ASNS: variants seen among roughly 807,000 people sequenced by gnomAD.
ASNS encodes asparagine synthetase [glutamine-hydrolyzing].
Under a neutral mutation model 62.6 loss-of-function variants are expected in ASNS, and 37 were observed. The ratio of observed to expected loss-of-function variants is 0.59; its 90% CI spans 0.45 to 0.78. ASNS has a LOEUF of 0.78. Among genes scored for constraint, ASNS ranks in the 30% least tolerant of loss-of-function variants. ASNS has a pLI of 0.00. For synonymous variants in ASNS, 207 were observed against 237.9 expected (o/e 0.87, Z 1.19); for missense variants, 520 against 682.4 (o/e 0.76, Z 2.65).
the ASNS span, among the ~76,000 whole-genome samples, chr7:97,907,526 T>C: frequency 6.6e-6 from 1 of 152,142 alleles, no homozygotes; most frequent in Non-Finnish European, 1.5e-5. Flanking sequence ...CCCAGCACTT[T>C]GGGAGCCCAA....
At chr7:97,878,349 A>G in the ASNS span, among the ~76,000 whole-genome samples, 2 of 152,218 alleles carry the variant, frequency 1.3e-5, no homozygotes, top group South Asian at 4.1e-4. Context: ...GAGGGTCGTG[A>G]TCATGAGAGA....
At chr7:97,920,495 G>T in the ASNS span, among the ~76,000 whole-genome samples, 1 of 152,196 alleles carries the variant, frequency 6.6e-6, no homozygotes, top group East Asian at 1.9e-4. Flanking sequence ...CCTAGAGAAG[G>T]CAGGAGCCCT....
the ASNS span, among the ~76,000 whole-genome samples, chr7:97,896,739 CACATATATATATATAT>C: frequency 1.3e-4 from 4 of 31,984 alleles, 1 homozygote; most frequent in Middle Eastern, 0.026. Flanking sequence ...CACACACACA[CACATATATATATATAT>C]ATATATATAT....
chr7:97,881,190 C>T, the ASNS span, among the ~76,000 whole-genome samples: 1 of 152,214 alleles, frequency 6.6e-6, no homozygotes, highest in East Asian at 1.9e-4. Context: ...GATCTGCCCA[C>T]CTTGGCCTCA....
chr7:97,882,225 C>T, the ASNS span, among the ~76,000 whole-genome samples: 41 of 152,216 alleles, frequency 2.7e-4, no homozygotes, highest in African/African-American at 9.9e-4. Context: ...TGGGACACCC[C>T]GGAGTTAATT....
At chr7:97,914,650 C>G in the ASNS span, among the ~76,000 whole-genome samples, 1 of 152,188 alleles carries the variant, frequency 6.6e-6, no homozygotes. Context: ...GGCTCACCCT[C>G]TTCGTTCCAC....
chr7:97,864,367 C>A lies in ASNS; in HGVS notation c.379G>T (p.Asp127Tyr). The change falls in exon 4 of 13, where the codon GAT (aspartate) becomes TAT (tyrosine). Residue 127 changes from aspartate to tyrosine, a missense_variant. Coordinates refer to ENST00000394308, the MANE Select transcript of ASNS (RefSeq NM_001673.5). Reference protein sequence around the residue: ...LDGVFAFVLLDTANKKVFLGR... With the variant: ...LDGVFAFVLLYTANKKVFLGR... ...AGGAACACTTTCTTATTGGCAGTAT[C>A]CAGTAAAACAAATGCAAACACACCA... The A allele has an allele frequency of 6.2e-7, 1 of 1,613,888 alleles. No homozygotes were observed. Among genetic ancestry groups the A allele is most frequent in the Non-Finnish European group, 8.5e-7 (1 of 1,179,892 alleles).
the ASNS span, among the ~76,000 whole-genome samples, chr7:97,896,737 C>CATATATATATATATATAT: frequency 5.0e-3 from 153 of 30,368 alleles, 2 homozygotes; most frequent in South Asian, 0.01. Flanking sequence ...CACACACACA[C>CATATATATATATATATAT]ACACATATAT....
At chr7:97,854,881 A>G in intron 9 of ASNS, 1 of 851,372 alleles carries the variant, frequency 1.2e-6, no homozygotes, top group Non-Finnish European at 1.8e-6. Context: ...GAATAAAATG[A>G]ACACAATGGG....
chr7:97,911,190 C>T, the ASNS span, among the ~76,000 whole-genome samples: 23 of 152,080 alleles, frequency 1.5e-4, no homozygotes, highest in African/African-American at 5.5e-4. Context: ...TACATAACTA[C>T]TGTAAACTAT....
At chr7:97,928,111 C>G in the ASNS span, 1 of 1,530,426 alleles carries the variant, frequency 6.5e-7, no homozygotes, top group Admixed American at 2.0e-5. Flanking sequence ...GTCTGGGTGC[C>G]GGTCTCCTCC....
At chr7:97,856,932 G>T in intron 7 of ASNS, 116 bp from the exon 8 acceptor site, 2 of 1,131,042 alleles carry the variant, frequency 1.8e-6, no homozygotes, top group Non-Finnish European at 2.5e-6. Flanking sequence ...AACTAAACAA[G>T]GGAAAAAAAG....
chr7:97,868,831 C>T lies in ASNS; in HGVS notation c.249+77G>A, dbSNP rs1792106133. On this transcript the variant is annotated intron_variant, in intron 3 of 12. Coordinates refer to ENST00000394308, the MANE Select transcript of ASNS (RefSeq NM_001673.5). ...GCTTTGCAAAGGAAAAAGCATGATACAGAATATGTAACATCATCGTAACCA... is the reference window on the plus strand; with the variant it reads ...GCTTTGCAAAGGAAAAAGCATGATATAGAATATGTAACATCATCGTAACCA... The T allele has an allele frequency of 3.2e-6, 5 of 1,572,602 alleles. No individual in the cohort carries two copies. In the Admixed American group the frequency reaches 6.8e-5, roughly 21 times the overall value.
chr7:97,896,731 C>CATATATAT, the ASNS span, among the ~76,000 whole-genome samples: 67 of 27,818 alleles, frequency 2.4e-3, no homozygotes, highest in African/African-American at 5.8e-3. Flanking sequence ...CACACACACA[C>CATATATAT]ACACACACAC....
chr7:97,887,017 T>C, the ASNS span, among the ~76,000 whole-genome samples: 83 of 152,262 alleles, frequency 5.5e-4, 1 homozygote, highest in East Asian at 0.015. Flanking sequence ...CTTTGTGATG[T>C]GGAAATAATT....
chr7:97,862,072 A>C (rs1383420468), intron 4 of ASNS, among the ~76,000 whole-genome samples: 1 of 152,202 alleles, frequency 6.6e-6, no homozygotes, highest in African/African-American at 2.4e-5. Context: ...TCTAGAATAC[A>C]TAAGGAACTA....
chr7:97,888,186 T>C, the ASNS span, among the ~76,000 whole-genome samples: 2 of 152,186 alleles, frequency 1.3e-5, no homozygotes, highest in Non-Finnish European at 2.9e-5. Flanking sequence ...ATTGCCCAAG[T>C]TGGTTTCAAA....
the ASNS span, among the ~76,000 whole-genome samples, chr7:97,913,857 T>C: frequency 6.9e-6 from 1 of 144,848 alleles, no homozygotes; most frequent in African/African-American, 2.6e-5. Context: ...GAAAGATGGG[T>C]GGGTGGGCAG....
chr7:97,926,383 C>T, the ASNS span, among the ~76,000 whole-genome samples: 1 of 152,184 alleles, frequency 6.6e-6, no homozygotes, highest in African/African-American at 2.4e-5. Flanking sequence ...TTTTACCAAG[C>T]TAATGGTCTA....
Sources: allele counts gnomAD v4.1 joint callset (sites outside exome capture counted in the v4.1 genomes callset), GRCh38; gene constraint gnomAD v4.1.1; transcripts MANE v1.5; gene names NCBI Gene and HGNC (gene_info 2026-07-23, HGNC 2026-07-21).